GALNT13: variants seen among roughly 807,000 people sequenced by gnomAD.
The protein encoded by GALNT13 is polypeptide N-acetylgalactosaminyltransferase 13.
Under a neutral mutation model 64.2 loss-of-function variants are expected in GALNT13, and 28 were observed. The ratio of observed to expected loss-of-function variants is 0.44; its 90% CI spans 0.32 to 0.60. The LOEUF is 0.60. GALNT13 is among the 20% of genes least tolerant of loss of function. GALNT13 has a pLI of 0.05. For synonymous variants in GALNT13, 214 were observed against 224.6 expected (o/e 0.95, Z 0.42); for missense variants, 577 against 669.8 (o/e 0.86, Z 1.53).
chr2:153,757,499 G>T, the GALNT13 span, among the ~76,000 whole-genome samples: 1 of 152,086 alleles, frequency 6.6e-6, no homozygotes, highest in Non-Finnish European at 1.5e-5. Flanking sequence ...TTGACATATT[G>T]ATTTCAAATC....
At chr2:153,275,562 C>T in the GALNT13 span, among the ~76,000 whole-genome samples, 1 of 152,122 alleles carries the variant, frequency 6.6e-6, no homozygotes, top group African/African-American at 2.4e-5. Context: ...AAATAAATTT[C>T]TGTTCTTTAT....
intron 4 of GALNT13, among the ~76,000 whole-genome samples, chr2:154,234,412 C>A (rs1249114280): frequency 1.3e-5 from 2 of 152,048 alleles, no homozygotes; most frequent in Non-Finnish European, 2.9e-5. Flanking sequence ...GATGACAAAA[C>A]TGAAGCTTAG....
the GALNT13 span, among the ~76,000 whole-genome samples, chr2:153,345,689 T>G: frequency 3.6e-5 from 5 of 137,716 alleles, no homozygotes; most frequent in Non-Finnish European, 6.3e-5. Context: ...CTTTCTTTCT[T>G]TCTTTCTTTC....
At chr2:153,439,444 C>T in the GALNT13 span, among the ~76,000 whole-genome samples, 2 of 152,152 alleles carry the variant, frequency 1.3e-5, no homozygotes, top group African/African-American at 4.8e-5. Flanking sequence ...AGGCAGGCCT[C>T]CTTGAGCTGT....
chr2:153,300,679 T>TA, the GALNT13 span, among the ~76,000 whole-genome samples: 2 of 152,190 alleles, frequency 1.3e-5, no homozygotes, highest in African/African-American at 4.8e-5. Context: ...TTCTAGATCT[T>TA]AGATAGGCAC....
the GALNT13 span, among the ~76,000 whole-genome samples, chr2:153,265,279 C>A: frequency 6.6e-6 from 1 of 152,154 alleles, no homozygotes; most frequent in East Asian, 1.9e-4. Context: ...GCCTAGACAG[C>A]CTTTCATGTT....
At chr2:153,603,408 A>G in the GALNT13 span, among the ~76,000 whole-genome samples, 5 of 151,948 alleles carry the variant, frequency 3.3e-5, no homozygotes, top group Admixed American at 3.3e-4. Context: ...ATTCTAATTG[A>G]ATTAGATTCA....
chr2:153,715,631 A>C, the GALNT13 span, among the ~76,000 whole-genome samples: 1 of 152,226 alleles, frequency 6.6e-6, no homozygotes, highest in Non-Finnish European at 1.5e-5. Context: ...TCAACTTTTC[A>C]AACAGCAAAT....
chr2:154,167,753 A>G (rs778496546), intron 4 of GALNT13, among the ~76,000 whole-genome samples: 9 of 152,196 alleles, frequency 5.9e-5, no homozygotes, highest in South Asian at 2.1e-4. Context: ...TCAGAGCCCA[A>G]GCAGGTTGAG....
chr2:153,282,246 T>C, the GALNT13 span, among the ~76,000 whole-genome samples: 1 of 152,246 alleles, frequency 6.6e-6, no homozygotes, highest in Admixed American at 6.5e-5. Context: ...GATTTCTTTT[T>C]AAGATATTTA....
chr2:154,069,401 G>A (rs1269088281), intron 3 of GALNT13, among the ~76,000 whole-genome samples: 1 of 151,720 alleles, frequency 6.6e-6, no homozygotes, highest in Non-Finnish European at 1.5e-5. Flanking sequence ...ATTTATAATA[G>A]CATAAAATCA....
chr2:154,313,081 G>A (rs1694133702), intron 9 of GALNT13, among the ~76,000 whole-genome samples: 1 of 151,434 alleles, frequency 6.6e-6, no homozygotes, highest in Non-Finnish European at 1.5e-5. Flanking sequence ...ACTTTGATTA[G>A]CATTTCAACA....
At chr2:154,076,289 A>C (rs1700984371) in intron 3 of GALNT13, among the ~76,000 whole-genome samples, 1 of 151,784 alleles carries the variant, frequency 6.6e-6, no homozygotes, top group South Asian at 2.1e-4. Flanking sequence ...ATAGTTAAAC[A>C]CATCTTAATG....
chr2:153,397,341 G>T, the GALNT13 span, among the ~76,000 whole-genome samples: 3 of 151,982 alleles, frequency 2.0e-5, no homozygotes, highest in African/African-American at 7.2e-5. Flanking sequence ...TTATTTTACT[G>T]ATGATAATGT....
chr2:153,568,905 C>T, the GALNT13 span, among the ~76,000 whole-genome samples: 6 of 152,214 alleles, frequency 3.9e-5, no homozygotes, highest in South Asian at 1.0e-3. Flanking sequence ...AAATTTATTT[C>T]CCAACATTGT....
intron 8 of GALNT13, among the ~76,000 whole-genome samples, chr2:154,273,340 T>C (rs1448111923): frequency 6.6e-6 from 1 of 151,898 alleles, no homozygotes; most frequent in African/African-American, 2.4e-5. Context: ...AGAAAAAAAA[T>C]GATAAATGCA....
chr2:154,043,127 AG>A (rs1038434917), intron 3 of GALNT13, among the ~76,000 whole-genome samples: 5 of 152,040 alleles, frequency 3.3e-5, no homozygotes, highest in Admixed American at 2.0e-4. Flanking sequence ...TAGTCTTTGA[AG>A]AAAGTGAAAG....
chr2:154,060,933 G>A (rs968157211), intron 3 of GALNT13, among the ~76,000 whole-genome samples: 9 of 151,954 alleles, frequency 5.9e-5, no homozygotes, highest in African/African-American at 1.9e-4. Context: ...AAATCTAGCC[G>A]ACGTGAAATT....
At chr2:154,380,242 G>T (rs1272893056) in intron 9 of GALNT13, among the ~76,000 whole-genome samples, 1 of 151,864 alleles carries the variant, frequency 6.6e-6, no homozygotes, top group Non-Finnish European at 1.5e-5. Flanking sequence ...CAGGAGTAAA[G>T]CAACTTATAA....
Sources: gnomAD v4.1 joint callset for allele counts (sites outside exome capture counted in the v4.1 genomes callset) on GRCh38, gnomAD v4.1.1 for gene constraint, MANE v1.5 for transcripts, NCBI Gene and HGNC (gene_info 2026-07-23, HGNC 2026-07-21) for gene names.